Variants in FRY observed in about 807,000 individuals in gnomAD.
FRY encodes the protein protein furry homolog.
In FRY, 128 loss-of-function variants were observed where a neutral mutation model predicts 348.4. That is an observed-to-expected ratio of 0.37 (90% CI 0.32 to 0.43). The LOEUF is 0.43. Ranked by LOEUF, FRY falls within the 20% of genes least tolerant of loss-of-function variation. The pLI, the probability that FRY is intolerant of heterozygous loss-of-function variation, is 1.00. For missense variants in FRY, 2,736 were observed against 3,695.2 expected, an observed-to-expected ratio of 0.74 and a Z score of 6.73; for synonymous variants, 1,370 against 1,374.7, an observed-to-expected ratio of 1.00 and a Z score of 0.08.
intron 1 of FRY, among the ~76,000 whole-genome samples, chr13:32,070,558 GTT>G (rs56360034): frequency 0.018 from 2,671 of 144,496 alleles, 78 homozygotes; most frequent in African/African-American, 0.063. Flanking sequence ...TTTTTGATGG[GTT>G]TTTTTTTTTT....
intron 36 of FRY, among the ~76,000 whole-genome samples, chr13:32,223,264 G>A (rs1371875356): frequency 6.6e-6 from 1 of 152,110 alleles, no homozygotes; most frequent in African/African-American, 2.4e-5. Flanking sequence ...AGGCCAAACT[G>A]TGCTTTATTG....
At chr13:32,218,451 C>T (rs570984878) in intron 35 of FRY, among the ~76,000 whole-genome samples, 1 of 152,122 alleles carries the variant, frequency 6.6e-6, no homozygotes, top group African/African-American at 2.4e-5. Context: ...GAGGCCGAAG[C>T]GGGCGGATCA....
Position 32,202,456 on chromosome 13 carries a change from G to A in FRY, c.3947G>A (p.Ser1316Asn). The A allele has an allele frequency of 6.2e-7, 1 of 1,613,900 alleles. No homozygotes were observed. The highest frequency in any genetic ancestry group is 8.5e-7 in the Non-Finnish European group (1 of 1,179,880). The change falls in exon 31 of 61, where the codon AGC becomes AAC. Residue 1316 changes from serine to asparagine, a missense_variant. Ser to Asn is a conservative substitution (Grantham distance 46, BLOSUM62 1). Around this residue, in one of 9 missense-constraint regions of FRY, gnomAD observed 794 missense variants for 977.0 expected, o/e 0.81. Transcript: ENST00000542859. ...CACGGCCCGCTGCCACCCCTCTACA[G>A]CGTGTCACTTGCCCTCTTGTCATGT... ...GTHGPLPPLY[S>N]VSLALLSCEL...
chr13:32,188,688 A>C (rs577738708), intron 28 of FRY, among the ~76,000 whole-genome samples: 9 of 152,186 alleles, frequency 5.9e-5, no homozygotes, highest in Admixed American at 5.9e-4. Flanking sequence ...TTTTGCTTTG[A>C]CTGGACCACT....
At chr13:32,113,274 T>C (rs1375973056) in intron 3 of FRY, among the ~76,000 whole-genome samples, 1 of 152,220 alleles carries the variant, frequency 6.6e-6, no homozygotes, top group Non-Finnish European at 1.5e-5. Context: ...AAGTTATTCA[T>C]TAAATGTTCC....
At chr13:32,249,905 ATTGGTTCCAG>A in intron 49 of FRY, among the ~76,000 whole-genome samples, 1 of 152,264 alleles carries the variant, frequency 6.6e-6, no homozygotes, top group Admixed American at 6.5e-5. Context: ...GCTTCTATCC[ATTGGTTCCAG>A]TTCTCTCAAG....
intron 4 of FRY, among the ~76,000 whole-genome samples, chr13:32,124,073 G>C (rs1878870130): frequency 6.6e-6 from 1 of 152,094 alleles, no homozygotes; most frequent in African/African-American, 2.4e-5. Context: ...CCTGACCTCA[G>C]GTAATCTGCC....
At chr13:32,203,641 T>C (rs1884177260) in intron 31 of FRY, among the ~76,000 whole-genome samples, 1 of 152,018 alleles carries the variant, frequency 6.6e-6, no homozygotes, top group Non-Finnish European at 1.5e-5. Flanking sequence ...GAGAATCACT[T>C]GAACCCGGGA....
In FRY at chr13:32,266,693, G is replaced by A. The variant is rs75046919; in HGVS notation, c.7947-477G>A. Among the ~76,000 whole-genome samples the A allele has an allele frequency of 2.7e-3, 414 of 152,244 alleles. 2 individuals are homozygous for A. Among genetic ancestry groups the A allele is most frequent in the African/African-American group, 9.4e-3 (391 of 41,558 alleles). ...CTTTCCTCGAATCGTGAAAGAATCCGTGACCTCTTGCCAGGTGCGGTGGCA... is the reference window on the plus strand; with the variant it reads ...CTTTCCTCGAATCGTGAAAGAATCCATGACCTCTTGCCAGGTGCGGTGGCA... On this transcript the variant is annotated intron_variant, in intron 54 of 60. Coordinates refer to ENST00000542859, the MANE Select transcript of FRY (RefSeq NM_023037.3).
chr13:32,041,742 C>T (rs893396806), intron 1 of FRY, among the ~76,000 whole-genome samples: 16 of 152,306 alleles, frequency 1.1e-4, no homozygotes, highest in African/African-American at 3.6e-4. Flanking sequence ...TGATTGAATA[C>T]AGCTGCGAGA....
intron 28 of FRY, among the ~76,000 whole-genome samples, chr13:32,191,751 G>A (rs1453324271): frequency 6.6e-6 from 1 of 152,070 alleles, no homozygotes; most frequent in Admixed American, 6.5e-5. Flanking sequence ...AAGAGACAAG[G>A]GAACTCTCTG....
At chr13:32,071,811 T>A (rs1204888961) in intron 1 of FRY, among the ~76,000 whole-genome samples, 8 of 152,202 alleles carry the variant, frequency 5.3e-5, no homozygotes, top group Non-Finnish European at 1.0e-4. Flanking sequence ...TGCTATACAA[T>A]TGTATGTATA....
Position 32,037,635 on chromosome 13 carries a change from G to A in FRY, c.70+5770G>A, listed in dbSNP as rs140352221. On this transcript the variant is annotated intron_variant, in intron 1 of 60. Coordinates refer to ENST00000542859, the MANE Select transcript of FRY (RefSeq NM_023037.3). ...GCAGTAGGCAAGAAGAGATGACCCG[G>A]ATAATTTTACAATCTGAGAACAGCT... Among the ~76,000 whole-genome samples the A allele has an allele frequency of 2.9e-3, 446 of 152,314 alleles. 1 individual carries two copies. Among genetic ancestry groups the A allele is most frequent in the Non-Finnish European group, 4.9e-3 (334 of 68,030 alleles).
chr13:32,038,550 C>T (rs1872633730), intron 1 of FRY: 2 of 152,158 alleles, frequency 1.3e-5, no homozygotes. Flanking sequence ...CACAACTTAA[C>T]CTCATTTTCT....
chr13:32,139,826 C>T (rs1204298880), intron 11 of FRY, among the ~76,000 whole-genome samples: 2 of 152,024 alleles, frequency 1.3e-5, no homozygotes, highest in Admixed American at 1.3e-4. Context: ...AAAATGCATT[C>T]CCTTCACATC....
rs760411218 is a variant in FRY, at chr13:32,173,452, T to C, written c.2237T>C (p.Leu746Pro). The change falls in exon 19 of 61, where the codon CTG becomes CCG. Residue 746 changes from leucine (L) to proline (P), a missense_variant. Leu to Pro is a moderately conservative substitution (Grantham distance 98, BLOSUM62 -3). This residue lies in a region of FRY where 449 missense variants were observed against 576.9 expected (regional missense o/e 0.78). Transcript: ENST00000542859. Reference protein sequence around the residue: ...SVLHAVEGFALVLLCSFQVAT... With the variant: ...SVLHAVEGFAPVLLCSFQVAT... ...CTCCACGCTGTAGAAGGTTTTGCTC[T>C]GGTTTTACTCTGCAGTTTCCAGGTG... is the stretch of plus-strand genomic sequence containing the variant. 6.2e-7 allele frequency: 1 copy of C among 1,613,072 alleles called. No individual in the cohort carries two copies. Among genetic ancestry groups the C allele is most frequent in the Non-Finnish European group, 8.5e-7 (1 of 1,179,698 alleles).
intron 13 of FRY, among the ~76,000 whole-genome samples, chr13:32,148,288 G>A (rs1880578462): frequency 1.3e-5 from 2 of 152,070 alleles, no homozygotes; most frequent in East Asian, 3.8e-4. Context: ...CAAGTAAAGA[G>A]GAAGCAAAGG....
intron 58 of FRY, among the ~76,000 whole-genome samples, chr13:32,282,271 A>G (rs1471432266): frequency 6.6e-6 from 1 of 152,212 alleles, no homozygotes; most frequent in Non-Finnish European, 1.5e-5. Flanking sequence ...GTCTTCTGGA[A>G]TGATTTGATG....
chr13:32,287,113 C>T lies in FRY; in HGVS notation c.8470-2520C>T, dbSNP rs536303608. Among the ~76,000 whole-genome samples the T allele has an allele frequency of 4.8e-3, 710 of 149,008 alleles. 4 individuals carry two copies. The highest frequency in any genetic ancestry group is 7.7e-3 in the Non-Finnish European group (518 of 67,526). The stretch of plus-strand genomic sequence containing the variant: ...CCAGGAGGCGGAGGTTGCAATGAGC[C>T]AAAATCGTGCCACTGTACTCCAGCC... On this transcript the variant is annotated intron_variant, in intron 58 of 60. Transcript: ENST00000542859.
Sources: allele counts gnomAD v4.1 joint callset (sites outside exome capture counted in the v4.1 genomes callset), GRCh38; gene constraint gnomAD v4.1.1; regional missense constraint gnomAD v4.1.1; transcripts MANE v1.5; gene names NCBI Gene and HGNC (gene_info 2026-07-23, HGNC 2026-07-21).